Variants in UCHL5 observed in about 807,000 individuals in gnomAD.
UCHL5 encodes ubiquitin carboxyl-terminal hydrolase isozyme L5.
Under a neutral mutation model 53.8 loss-of-function variants are expected in UCHL5, and 34 were observed. The observed-to-expected ratio is 0.63, with a 90% CI of 0.48 to 0.84. The LOEUF (loss-of-function observed/expected upper bound fraction) is 0.84. Ranked by LOEUF, UCHL5 falls within the 40% of genes least tolerant of loss-of-function variation. The probability of loss-of-function intolerance (pLI) is 0.00; values close to 1 mark genes in which losing one functional copy is unlikely to be tolerated. For missense variants in UCHL5, 290 were observed against 385.6 expected (o/e 0.75, Z 2.08); for synonymous variants, 111 against 126.3 (o/e 0.88, Z 0.81).
In UCHL5 at chr1:193,036,595, A is replaced by C. The variant is rs564886454; in HGVS notation, c.247-6938T>G. Among the ~76,000 whole-genome samples the C allele has an allele frequency of 9.9e-5, 15 of 152,156 alleles. No homozygotes were observed. The East Asian group carries it at 2.3e-3, about 23-fold the overall frequency. On this transcript the variant is annotated intron_variant, in intron 3 of 10. Transcript: ENST00000367454. Reference sequence around the variant, plus strand: ...GCAAACAGAAAACCAACAAAGAAACATCAGAGGTTAACTACAGACTAAACC... The same window carrying C: ...GCAAACAGAAAACCAACAAAGAAACCTCAGAGGTTAACTACAGACTAAACC...
upstream of UCHL5, chr1:193,059,786 T>A (rs762947133): frequency 5.9e-6 from 8 of 1,357,008 alleles, no homozygotes; most frequent in Non-Finnish European, 7.9e-6. This position sits in a 1 kb window ranked among gnomAD's most constrained non-coding sequence, Gnocchi z 4.9. Flanking sequence ...GGTGAGGACA[T>A]TGCGGGAGGC....
chr1:193,031,598 T>G (rs1227289244), intron 3 of UCHL5, among the ~76,000 whole-genome samples: 4 of 152,162 alleles, frequency 2.6e-5, no homozygotes, highest in African/African-American at 7.2e-5. Flanking sequence ...TGCCACCAAG[T>G]GGTTATGCTA....
intron 8 of UCHL5, among the ~76,000 whole-genome samples, chr1:193,023,363 T>G (rs1657886550): frequency 6.6e-6 from 1 of 152,208 alleles, no homozygotes; most frequent in South Asian, 2.1e-4. Context: ...AAATAAACTT[T>G]GTCTATTAAT....
intron 3 of UCHL5, among the ~76,000 whole-genome samples, chr1:193,035,994 T>G (rs1305648323): frequency 2.0e-5 from 3 of 151,460 alleles, no homozygotes; most frequent in Non-Finnish European, 4.4e-5. Flanking sequence ...CTGTAATAGA[T>G]TCACTAAAAA....
chr1:193,053,094 A>G (rs774799017), intron 1 of UCHL5, among the ~76,000 whole-genome samples: 16 of 152,326 alleles, frequency 1.1e-4, no homozygotes, highest in Middle Eastern at 3.4e-3. Flanking sequence ...GTACAAAGAG[A>G]GTTACTACAT....
rs1671847099 is a variant in UCHL5 at position 193,059,037 on chromosome 1, G to A, written c.76+148C>T. 5.3e-6 allele frequency: 4 copies of A among 755,872 alleles called. No individual in the cohort carries two copies. In the South Asian group the frequency reaches 8.2e-5, roughly 16 times the overall value. 46.8% of individuals were successfully genotyped at this position (755,872 alleles called of 1,614,324 possible). A position where few individuals can be genotyped will look rare whatever the true frequency, so the allele number is the denominator to read the frequency against. Reference sequence around the variant, plus strand: ...ACTGTCTCGAGCTGAGGAGAGGGCAGAACATCTACATTTCCCCCACCCGGA... The same window carrying A: ...ACTGTCTCGAGCTGAGGAGAGGGCAAAACATCTACATTTCCCCCACCCGGA... On this transcript the variant is annotated intron_variant, in intron 1 of 10. Coordinates refer to ENST00000367454, the MANE Select transcript of UCHL5 (RefSeq NM_001199261.3). The surrounding 1 kb of genome is among the most constrained non-coding windows in gnomAD (Gnocchi z 4.9).
intron 3 of UCHL5, among the ~76,000 whole-genome samples, chr1:193,041,249 C>T (rs1242719920): frequency 1.3e-5 from 2 of 151,862 alleles, no homozygotes; most frequent in Non-Finnish European, 2.9e-5. Context: ...ACATGTATCC[C>T]CAAAATATGT....
At chr1:193,028,697 C>G (rs1350174954) in intron 6 of UCHL5, among the ~76,000 whole-genome samples, 2 of 152,150 alleles carry the variant, frequency 1.3e-5, no homozygotes, top group Non-Finnish European at 2.9e-5. Context: ...TCAGAACAAT[C>G]TATGTTTTTG....
At chr1:193,020,169 T>C in intron 10 of UCHL5, 1 of 1,305,826 alleles carries the variant, frequency 7.7e-7, no homozygotes, top group Non-Finnish European at 9.8e-7. Context: ...GGTCACATGT[T>C]TCAATCAATA....
At chr1:193,035,514 T>G (rs1241593969) in intron 3 of UCHL5, among the ~76,000 whole-genome samples, 1 of 151,700 alleles carries the variant, frequency 6.6e-6, no homozygotes, top group Non-Finnish European at 1.5e-5. Flanking sequence ...CCGTCAAATA[T>G]GAATGAGAAG....
intron 10 of UCHL5, among the ~76,000 whole-genome samples, chr1:193,017,915 A>G (rs1290863470): frequency 3.3e-5 from 5 of 151,438 alleles, no homozygotes; most frequent in Non-Finnish European, 5.9e-5. Flanking sequence ...GCTAATAAGT[A>G]ACATATATAT....
At chr1:193,045,600 G>A (rs1158840396) in intron 3 of UCHL5, among the ~76,000 whole-genome samples, 1 of 152,142 alleles carries the variant, frequency 6.6e-6, no homozygotes. Context: ...TTCCTATAAA[G>A]CCTGCAGAAC....
chr1:193,048,275 G>A (rs562237249), intron 3 of UCHL5, among the ~76,000 whole-genome samples: 2 of 152,092 alleles, frequency 1.3e-5, no homozygotes, highest in African/African-American at 4.8e-5. Context: ...TGTTGTTGTT[G>A]ATAAAATTTG....
intron 9 of UCHL5, among the ~76,000 whole-genome samples, chr1:193,021,800 G>A (rs1024240042): frequency 6.6e-6 from 1 of 152,048 alleles, no homozygotes; most frequent in African/African-American, 2.4e-5. Context: ...ATATAAATTT[G>A]AGCTTCTCTG....
At chr1:193,052,605 CAG>C (rs1395519248) in intron 1 of UCHL5, among the ~76,000 whole-genome samples, 1 of 152,172 alleles carries the variant, frequency 6.6e-6, no homozygotes, top group African/African-American at 2.4e-5. Flanking sequence ...TCCAAACTGC[CAG>C]AGTTTGAATG....
intron 8 of UCHL5, among the ~76,000 whole-genome samples, chr1:193,023,345 G>A (rs1007021782): frequency 6.6e-6 from 1 of 152,036 alleles, no homozygotes; most frequent in East Asian, 1.9e-4. Flanking sequence ...TGTGCTCAAA[G>A]GATTGTAAAA....
At chr1:193,045,129 C>G (rs1385872386) in intron 3 of UCHL5, among the ~76,000 whole-genome samples, 1 of 152,130 alleles carries the variant, frequency 6.6e-6, no homozygotes, top group Non-Finnish European at 1.5e-5. Flanking sequence ...TTAGTAAATT[C>G]TAGCACTGTT....
chr1:193,046,441 G>T (rs1426405284), intron 3 of UCHL5, among the ~76,000 whole-genome samples: 1 of 151,884 alleles, frequency 6.6e-6, no homozygotes, highest in African/African-American at 2.4e-5. Context: ...AGGCAGTGTT[G>T]TGATCAGGTT....
intron 10 of UCHL5, 33 bp downstream of exon 10, chr1:193,021,064 C>A: frequency 6.8e-7 from 1 of 1,479,292 alleles, no homozygotes. Flanking sequence ...AGACTCTAAA[C>A]TTAATTTAAG....
Sources: gnomAD v4.1 joint callset for allele counts (sites outside exome capture counted in the v4.1 genomes callset) on GRCh38, gnomAD v4.1.1 for gene constraint, Gnocchi (gnomAD v3.1) non-coding constraint, MANE v1.5 for transcripts, NCBI Gene and HGNC (gene_info 2026-07-23, HGNC 2026-07-21) for gene names.